Variants in BICD1 observed in about 807,000 individuals in gnomAD.
BICD1 encodes the protein protein bicaudal D homolog 1.
Under a neutral mutation model 92.5 loss-of-function variants are expected in BICD1, and 35 were observed. The ratio of observed to expected loss-of-function variants is 0.38; its 90% CI spans 0.29 to 0.50. BICD1 has a LOEUF of 0.50. BICD1 is among the 20% of genes least tolerant of loss of function. The pLI is 0.93. For synonymous variants in BICD1, 429 were observed against 465.1 expected, an observed-to-expected ratio of 0.92 and a Z score of 1.00; for missense variants, 950 against 1,189.8, an observed-to-expected ratio of 0.80 and a Z score of 2.97.
chr12:32,365,298 G>C (rs144470232), intron 8 of BICD1, among the ~76,000 whole-genome samples: 2 of 152,056 alleles, frequency 1.3e-5, no homozygotes, highest in African/African-American at 4.8e-5. Flanking sequence ...TCTAATGAAG[G>C]AAAAAGTGAT....
intron 5 of BICD1, among the ~76,000 whole-genome samples, chr12:32,333,813 G>A (rs989311211): frequency 6.6e-6 from 1 of 151,968 alleles, no homozygotes; most frequent in Admixed American, 6.6e-5. Context: ...CAAGAACTTC[G>A]GACATGCCCA....
chr12:32,362,800 G>A (rs78957037), intron 8 of BICD1, among the ~76,000 whole-genome samples: 342 of 151,148 alleles, frequency 2.3e-3, no homozygotes, highest in African/African-American at 8.0e-3. Flanking sequence ...GTGGAGGCTT[G>A]TAGGACACCT....
chr12:32,326,402 AT>A (rs1193981485), intron 4 of BICD1, among the ~76,000 whole-genome samples: 3 of 152,210 alleles, frequency 2.0e-5, no homozygotes, highest in Admixed American at 2.0e-4. Context: ...TTATATACCT[AT>A]GTTTAATGAG....
intron 1 of BICD1, among the ~76,000 whole-genome samples, chr12:32,149,230 T>C (rs1151009): frequency 0.16 from 22,021 of 139,976 alleles, 1,764 homozygotes; most frequent in East Asian, 0.23. Flanking sequence ...AATATAGATC[T>C]TGGGTAATAT....
intron 1 of BICD1, among the ~76,000 whole-genome samples, chr12:32,160,511 T>TA (rs201110503): frequency 6.6e-6 from 1 of 152,088 alleles, no homozygotes; most frequent in Non-Finnish European, 1.5e-5. Flanking sequence ...TTTTTTTTTT[T>TA]AATGGAGCCT....
chr12:32,129,552 G>A (rs970656457), intron 1 of BICD1, among the ~76,000 whole-genome samples: 8 of 138,604 alleles, frequency 5.8e-5, no homozygotes, highest in Admixed American at 1.4e-4. Flanking sequence ...AAAAAATTCT[G>A]TAAACACAAG....
At chr12:32,159,986 T>C (rs2121487382) in intron 1 of BICD1, among the ~76,000 whole-genome samples, 1 of 152,280 alleles carries the variant, frequency 6.6e-6, no homozygotes, top group African/African-American at 2.4e-5. Flanking sequence ...TCATATTCAC[T>C]CTCAGCAAAT....
intron 2 of BICD1, among the ~76,000 whole-genome samples, chr12:32,258,320 G>T (rs1218151759): frequency 6.6e-6 from 1 of 152,056 alleles, no homozygotes. Flanking sequence ...ATTGTACTAT[G>T]GTTTCAACTT....
At chr12:32,358,481 G>A (rs1298165794) in intron 8 of BICD1, among the ~76,000 whole-genome samples, 5 of 151,034 alleles carry the variant, frequency 3.3e-5, no homozygotes, top group East Asian at 2.0e-4. Flanking sequence ...GCTCACGCCT[G>A]TAATCCCAGC....
At chr12:32,289,508 C>A (rs1167438533) in intron 2 of BICD1, among the ~76,000 whole-genome samples, 1 of 152,194 alleles carries the variant, frequency 6.6e-6, no homozygotes, top group Non-Finnish European at 1.5e-5. Context: ...GCTTCAGCCT[C>A]CCAAGTAGCT....
chr12:32,369,446 G>A (rs1375005716), intron 9 of BICD1, among the ~76,000 whole-genome samples: 4 of 152,278 alleles, frequency 2.6e-5, no homozygotes, highest in Non-Finnish European at 5.9e-5. Context: ...GTAGATGTCA[G>A]TAGCAAGCTA....
At chr12:32,309,887 G>A (rs1021202574) in intron 4 of BICD1, among the ~76,000 whole-genome samples, 1 of 152,000 alleles carries the variant, frequency 6.6e-6, no homozygotes. Context: ...CCATTAACTC[G>A]TTATTTACAT....
intron 1 of BICD1, among the ~76,000 whole-genome samples, chr12:32,193,273 C>T (rs1944629100): frequency 6.6e-6 from 1 of 152,140 alleles, no homozygotes; most frequent in Non-Finnish European, 1.5e-5. Flanking sequence ...AGACCTTCTA[C>T]CAGCAAAAAA....
intron 1 of BICD1, among the ~76,000 whole-genome samples, chr12:32,197,023 CTTT>C (rs1277860754): frequency 4.2e-5 from 6 of 144,022 alleles, no homozygotes; most frequent in Admixed American, 7.0e-5. Flanking sequence ...CAAGATTTTA[CTTT>C]TTTTTTTTTT....
At chr12:32,339,379 C>T in intron 8 of BICD1, 1 of 989,416 alleles carries the variant, frequency 1.0e-6, no homozygotes, top group African/African-American at 1.7e-5. Flanking sequence ...ATATGTATAA[C>T]AAGGCTTTTG....
chr12:32,332,637 G>A, intron 5 of BICD1: 1 of 292,734 alleles, frequency 3.4e-6, no homozygotes, highest in Non-Finnish European at 5.1e-6. Context: ...TGTAATCCAA[G>A]TTATGAGAAC....
At chr12:32,111,097 T>C (rs1441644922) in intron 1 of BICD1, among the ~76,000 whole-genome samples, 2 of 152,200 alleles carry the variant, frequency 1.3e-5, no homozygotes, top group Non-Finnish European at 2.9e-5. Context: ...CTGATGGCAT[T>C]TTAAAAAGGA....
chr12:32,260,081 C>A (rs183909872), intron 2 of BICD1, among the ~76,000 whole-genome samples: 2 of 151,414 alleles, frequency 1.3e-5, no homozygotes, highest in Non-Finnish European at 3.0e-5. Context: ...TGCACCACCA[C>A]GCCCAGCTAA....
chr12:32,353,641 C>T (rs1005317969), intron 8 of BICD1: 2 of 151,858 alleles, frequency 1.3e-5, no homozygotes, highest in Non-Finnish European at 2.9e-5. Flanking sequence ...AGTGGTGTCT[C>T]ATATGTTTTT....
Sources: allele counts gnomAD v4.1 joint callset (sites outside exome capture counted in the v4.1 genomes callset), GRCh38; gene constraint gnomAD v4.1.1; transcripts MANE v1.5; gene names NCBI Gene and HGNC (gene_info 2026-07-23, HGNC 2026-07-21).